Variants in NEK5 observed in about 807,000 individuals in gnomAD.
NEK5 encodes NIMA related kinase 5, also known as serine/threonine-protein kinase Nek5.
NEK5 carries 88 observed loss-of-function variants against 109.2 expected under a neutral mutation model. That is an observed-to-expected ratio of 0.81 (90% CI 0.68 to 0.96). The LOEUF (loss-of-function observed/expected upper bound fraction) is 0.96. NEK5 is among the 40% of genes least tolerant of loss of function. The pLI, the probability that NEK5 is intolerant of heterozygous loss-of-function variation, is 0.00. For missense variants in NEK5, 834 were observed against 920.7 expected (o/e 0.91, Z 1.22); for synonymous variants, 283 against 299.9 (o/e 0.94, Z 0.58).
At position 52,063,498 on chromosome 13, in the gene NEK5, G is replaced by A. The variant is rs553910836; in HGVS notation, c.1976-1545C>T. Among the ~76,000 whole-genome samples the A allele has an allele frequency of 1.3e-4, 19 of 151,988 alleles. No homozygotes were observed. The East Asian group carries it at 1.9e-3, about 16-fold the overall frequency. ...GCAGCCTCTGCCCGGCCGCCACCCC[G>A]TCTGGGAAGTGAGGAGCGTCTCTGC... is the stretch of plus-strand genomic sequence containing the variant. On this transcript the variant is annotated intron_variant, in intron 21 of 23. Coordinates refer to ENST00000684899, the MANE Select transcript of NEK5 (RefSeq NM_001365552.1).
rs760161549 is a variant in NEK5 at position 52,102,174 on chromosome 13, G to C, written c.728C>G (p.Ser243Cys). 6 of 1,613,856 alleles carry C rather than the reference G, an allele frequency of 3.7e-6. No homozygotes were observed. The Admixed American group carries it at 5.0e-5, about 13-fold the overall frequency. ...ATTTATGGATGGTCGGTCTCGAGGA[G>C]ATACTTGAAAGAGCTGAGATATCAA... ...HSLISQLFQV[S>C]PRDRPSINSI... Residue 243 changes from serine (S) to cysteine (C), a missense_variant, in exon 10 of 24, where the codon TCT (serine) becomes TGT (cysteine). Physicochemically the swap from Ser to Cys is moderately radical, Grantham distance 112. Coordinates refer to ENST00000684899, the MANE Select transcript of NEK5 (RefSeq NM_001365552.1).
chr13:52,106,929 G>A (rs1020666083), intron 8 of NEK5, among the ~76,000 whole-genome samples: 2 of 152,096 alleles, frequency 1.3e-5, no homozygotes, highest in African/African-American at 4.8e-5. Flanking sequence ...ACTTGGTCAA[G>A]TTAGCAACTG....
chr13:52,128,421 C>T (rs1956110784), intron 1 of NEK5, among the ~76,000 whole-genome samples: 1 of 152,164 alleles, frequency 6.6e-6, no homozygotes. Flanking sequence ...GGTAGTAGTG[C>T]CAAGCATTTT....
chr13:52,115,949 G>A (rs1483845317), intron 4 of NEK5, among the ~76,000 whole-genome samples: 1 of 152,092 alleles, frequency 6.6e-6, no homozygotes, highest in Non-Finnish European at 1.5e-5. Flanking sequence ...GCTAAGGCAG[G>A]TGGATTGCTT....
chr13:52,053,789 C>G (rs191410639), intron 22 of NEK5, among the ~76,000 whole-genome samples: 1 of 152,320 alleles, frequency 6.6e-6, no homozygotes, highest in Admixed American at 6.5e-5. Flanking sequence ...TTCTTAAGCC[C>G]TAGCATTTTG....
intron 23 of NEK5, among the ~76,000 whole-genome samples, chr13:52,049,734 C>T (rs1030194435): frequency 6.6e-6 from 1 of 151,922 alleles, no homozygotes; most frequent in Non-Finnish European, 1.5e-5. Flanking sequence ...TGTGTTGGGC[C>T]GCATTCAAAG....
chr13:52,047,650 G>A (rs898727813), intron 23 of NEK5, among the ~76,000 whole-genome samples: 1 of 152,092 alleles, frequency 6.6e-6, no homozygotes, highest in Non-Finnish European at 1.5e-5. Flanking sequence ...AGATGAGCCT[G>A]GGCAACATAG....
At chr13:52,075,087 G>T (rs1450478371) in intron 19 of NEK5, among the ~76,000 whole-genome samples, 1 of 152,132 alleles carries the variant, frequency 6.6e-6, no homozygotes, top group Non-Finnish European at 1.5e-5. Context: ...AAAGAACTTA[G>T]AACTACTGTT....
intron 21 of NEK5, chr13:52,065,132 TA>T (rs113686547): frequency 0.098 from 26,727 of 272,616 alleles, 18 homozygotes; most frequent in Middle Eastern, 0.14. Flanking sequence ...AAATAAAAAT[TA>T]AAAAAAAAAA....
rs76877881 is a variant in NEK5, at chr13:52,095,927, C to G, written c.1027-2692G>C. Among the ~76,000 whole-genome samples, 178 of 152,224 alleles carry G rather than the reference C, an allele frequency of 1.2e-3. 1 individual carries two copies. Among genetic ancestry groups the G allele is most frequent in the African/African-American group, 4.1e-3 (170 of 41,536 alleles). On this transcript the variant is annotated intron_variant, in intron 12 of 23. Coordinates refer to ENST00000684899, the MANE Select transcript of NEK5 (RefSeq NM_001365552.1). ...CACTGTAATCCCCAATGTTGGGAGA[C>G]GAGGCCTGGTAAATGGATCGTTGGG...
chr13:52,072,119 G>A, intron 19 of NEK5, 49 bp from the exon 20 acceptor site: 1 of 1,506,382 alleles, frequency 6.6e-7, no homozygotes, highest in Admixed American at 2.0e-5. Flanking sequence ...TATTTTGAAA[G>A]AAAGAAAAAC....
Position 52,063,343 on chromosome 13 carries a change from G to A in NEK5, c.1976-1390C>T, listed in dbSNP as rs548636705. Among the ~76,000 whole-genome samples the A allele has an allele frequency of 1.7e-4, 26 of 152,350 alleles. No individual in the cohort carries two copies. The South Asian group carries it at 5.2e-3, about 30-fold the overall frequency. ...GCCAGCCTCGGCCTCCCGAGGTGCC[G>A]GGTTTGCAGACGGAGTCTGGTTCAC... is the stretch of plus-strand genomic sequence containing the variant. On this transcript the variant is annotated intron_variant, in intron 21 of 23. Transcript: ENST00000684899.
At chr13:52,107,394 C>T (rs1202603286) in intron 8 of NEK5, among the ~76,000 whole-genome samples, 2 of 151,938 alleles carry the variant, frequency 1.3e-5, no homozygotes, top group African/African-American at 2.4e-5. Context: ...AGTTTGAGAC[C>T]AGCCTGGACA....
intron 21 of NEK5, among the ~76,000 whole-genome samples, chr13:52,063,655 C>CT (rs1286098969): frequency 1.3e-5 from 2 of 150,878 alleles, no homozygotes; most frequent in Non-Finnish European, 3.0e-5. Context: ...CACCCATCGT[C>CT]TGAGATGTGG....
intron 5 of NEK5, 80 bp downstream of exon 5, chr13:52,112,188 C>G: frequency 1.4e-6 from 1 of 699,904 alleles, no homozygotes; most frequent in Middle Eastern, 3.2e-4. Flanking sequence ...TCAACATAGT[C>G]TACTACTTAT....
intron 14 of NEK5, 46 bp downstream of exon 14, chr13:52,089,201 T>C (rs1038122178): frequency 3.4e-6 from 4 of 1,184,588 alleles, no homozygotes; most frequent in Non-Finnish European, 5.0e-6. Flanking sequence ...ACAGAAAAAC[T>C]ATTAGGAAAT....
chr13:52,127,966 T>C (rs774011187), intron 1 of NEK5, among the ~76,000 whole-genome samples: 2 of 152,076 alleles, frequency 1.3e-5, no homozygotes, highest in Non-Finnish European at 2.9e-5. Flanking sequence ...GTGGGGAAGC[T>C]GTTTCCCCAA....
rs898606871 is a variant in NEK5 at position 52,061,933 on chromosome 13, C to T, written c.1996G>A (p.Glu666Lys). 1.2e-6 allele frequency: 1 copy of T among 818,984 alleles called. No individual in the cohort carries two copies. Among genetic ancestry groups the T allele is most frequent in the African/African-American group, 1.9e-5 (1 of 54,048 alleles). The allele number at this position is 818,984 out of a possible 1,614,324, so 50.7% of individuals were successfully genotyped here. A position where few individuals can be genotyped will look rare whatever the true frequency, so the allele number is the denominator to read the frequency against. The change falls in exon 22 of 24, where the codon GAA (glutamate) becomes AAA (lysine). Residue 666 changes from glutamate (E) to lysine (K), a missense_variant. By Grantham distance (56) the Glu-to-Lys change is moderately conservative (BLOSUM62 1). This residue lies in a region of NEK5 where 777 missense variants were observed against 824.7 expected (regional missense o/e 0.94). Transcript: ENST00000684899. Reference sequence around the variant, plus strand: ...TGTTTCCTGTTTCCTGGAATGCCTTCAATCACAATAACTTGGCCATCTGAA... The same window carrying T: ...TGTTTCCTGTTTCCTGGAATGCCTTTAATCACAATAACTTGGCCATCTGAA... ...GPDNGQVIVIEGIPGNRKQWR... is the reference protein window; with the variant it reads ...GPDNGQVIVIKGIPGNRKQWR...
chr13:52,062,923 G>GA (rs1355526638), intron 21 of NEK5, among the ~76,000 whole-genome samples: 9 of 150,284 alleles, frequency 6.0e-5, no homozygotes, highest in Admixed American at 4.6e-4. Context: ...TTTACTGGTG[G>GA]AAAAAAAAAT....
Sources: gnomAD v4.1 joint callset for allele counts (sites outside exome capture counted in the v4.1 genomes callset) on GRCh38, gnomAD v4.1.1 for gene constraint, gnomAD v4.1.1 regional missense constraint, MANE v1.5 for transcripts, NCBI Gene and HGNC (gene_info 2026-07-23, HGNC 2026-07-21) for gene names.